Variants in ESRRG observed in about 807,000 individuals in gnomAD.
ESRRG encodes the protein estrogen-related receptor gamma.
A neutral mutation model predicts 44.0 loss-of-function variants in ESRRG; 13 were observed. The observed-to-expected ratio is 0.30, with a 90% CI of 0.19 to 0.47. ESRRG has a LOEUF of 0.47. Ranked by LOEUF, ESRRG falls within the 20% of genes least tolerant of loss-of-function variation. ESRRG has a pLI of 1.00. For synonymous variants in ESRRG, 215 were observed against 214.6 expected, an observed-to-expected ratio of 1.00 and a Z score of -0.02; for missense variants, 395 against 580.6, an observed-to-expected ratio of 0.68 and a Z score of 3.29.
chr1:217,005,060 A>G (rs754240369), intron 1 of ESRRG, among the ~76,000 whole-genome samples: 3 of 152,200 alleles, frequency 2.0e-5, no homozygotes, highest in Non-Finnish European at 4.4e-5. Context: ...AAGATAACTC[A>G]GTGTTGTCAA....
At chr1:217,095,820 A>G (rs2092415157) in intron 1 of ESRRG, among the ~76,000 whole-genome samples, 1 of 152,186 alleles carries the variant, frequency 6.6e-6, no homozygotes, top group Admixed American at 6.5e-5. Context: ...GTTTGAAGCT[A>G]CAGTGCACCT....
intron 6 of ESRRG, among the ~76,000 whole-genome samples, chr1:216,518,396 C>T (rs1247136386): frequency 6.6e-6 from 1 of 152,006 alleles, no homozygotes; most frequent in African/African-American, 2.4e-5. Flanking sequence ...TGGAGGGGCA[C>T]GGTGTGACTG....
Position 216,729,524 on chromosome 1 carries a change from T to A in ESRRG, c.-13-52033A>T, listed in dbSNP as rs2088273538. 2.0e-5 allele frequency among the ~76,000 whole-genome samples: 3 copies of A among 152,294 alleles called. No individual in the cohort carries two copies. The South Asian group carries it at 6.2e-4, about 32-fold the overall frequency. On this transcript the variant is annotated intron_variant, in intron 2 of 7. Coordinates refer to the ESRRG transcript ENST00000359162. Reference sequence around the variant, plus strand: ...AGTGAAGTGCAAGTATGTTACATTATGAATTGCTTGCCATACTGCCACATA... The same window carrying A: ...AGTGAAGTGCAAGTATGTTACATTAAGAATTGCTTGCCATACTGCCACATA...
intron 1 of ESRRG, among the ~76,000 whole-genome samples, chr1:217,030,710 C>T (rs2081949459): frequency 1.3e-5 from 2 of 152,130 alleles, no homozygotes; most frequent in Non-Finnish European, 1.5e-5. Flanking sequence ...TAAACATGTT[C>T]CAGGGTTGTG....
chr1:216,692,902 A>G (rs1559257682), intron 1 of ESRRG, among the ~76,000 whole-genome samples: 1 of 152,352 alleles, frequency 6.6e-6, no homozygotes, highest in East Asian at 1.9e-4. Context: ...AGGGGGCTAT[A>G]TGATCTAGGT....
intron 3 of ESRRG, among the ~76,000 whole-genome samples, chr1:216,586,197 C>A (rs1279614137): frequency 6.6e-6 from 1 of 151,898 alleles, no homozygotes; most frequent in African/African-American, 2.4e-5. Flanking sequence ...ACTTTTCCAC[C>A]CTCCAGTATT....
intron 1 of ESRRG, among the ~76,000 whole-genome samples, chr1:217,099,878 C>G (rs1240273002): frequency 6.6e-6 from 1 of 151,880 alleles, no homozygotes; most frequent in Non-Finnish European, 1.5e-5. Flanking sequence ...AGAAAATGAC[C>G]CAGTTGACCA....
At chr1:216,524,250 T>TTTTA (rs1553295971) in intron 5 of ESRRG, among the ~76,000 whole-genome samples, 2 of 140,760 alleles carry the variant, frequency 1.4e-5, no homozygotes, top group African/African-American at 5.3e-5. Context: ...TATATGTAAG[T>TTTTA]TATATATATA....
At chr1:216,966,111 C>A (rs1037003521) in intron 1 of ESRRG, among the ~76,000 whole-genome samples, 3 of 152,090 alleles carry the variant, frequency 2.0e-5, no homozygotes, top group African/African-American at 7.2e-5. Context: ...TTTTATTTAA[C>A]AATTTATAAG....
rs77239895 is a variant in ESRRG at position 216,661,197 on chromosome 1, T to C, written c.473-10108A>G. 6.9e-3 allele frequency among the ~76,000 whole-genome samples: 1,044 copies of C among 152,298 alleles called. 9 individuals are homozygous for C. The highest frequency in any genetic ancestry group is 0.023 in the African/African-American group (957 of 41,558). ...TATCCTACATGATGTGTACAGTCTC[T>C]TCTTCTTAGTTTTTAAGCTCTTATA... On this transcript the variant is annotated intron_variant, in intron 2 of 6. Transcript: ENST00000408911.
At chr1:216,647,796 C>T (rs2067967647) in intron 3 of ESRRG, among the ~76,000 whole-genome samples, 1 of 152,138 alleles carries the variant, frequency 6.6e-6, no homozygotes, top group African/African-American at 2.4e-5. Context: ...ACCTCATTTC[C>T]TTCAGGCAAC....
chr1:217,023,413 C>A (rs758024124), intron 1 of ESRRG, among the ~76,000 whole-genome samples: 22 of 152,196 alleles, frequency 1.4e-4, no homozygotes, highest in Admixed American at 4.6e-4. Context: ...CCTGGAGCTT[C>A]AAGTTACTCC....
At chr1:216,961,411 AT>A (rs762582833) in intron 1 of ESRRG, among the ~76,000 whole-genome samples, 8 of 152,186 alleles carry the variant, frequency 5.3e-5, no homozygotes, top group Non-Finnish European at 8.8e-5. Context: ...ATATGAAATT[AT>A]TTTTATCAAA....
chr1:216,525,282 C>T (rs1175852302), intron 5 of ESRRG, among the ~76,000 whole-genome samples: 2 of 151,438 alleles, frequency 1.3e-5, no homozygotes, highest in Non-Finnish European at 2.9e-5. Flanking sequence ...CAATGAATGC[C>T]TAATAAGAAT....
chr1:217,087,202 A>C (rs948356103), intron 1 of ESRRG, among the ~76,000 whole-genome samples: 1 of 152,200 alleles, frequency 6.6e-6, no homozygotes, highest in African/African-American at 2.4e-5. Context: ...ATGTCCCTGT[A>C]AACAAGGTTA....
At chr1:217,020,364 A>G (rs2150909484) in intron 1 of ESRRG, among the ~76,000 whole-genome samples, 1 of 152,356 alleles carries the variant, frequency 6.6e-6, no homozygotes, top group South Asian at 2.1e-4. Flanking sequence ...GCCTTGGCCT[A>G]GAGTGCTATT....
At chr1:216,679,927 G>A (rs749654118) in intron 1 of ESRRG, among the ~76,000 whole-genome samples, 3 of 152,134 alleles carry the variant, frequency 2.0e-5, no homozygotes, top group Non-Finnish European at 2.9e-5. Context: ...GGACTCTCCA[G>A]CAAGTTGTCT....
intron 2 of ESRRG, among the ~76,000 whole-genome samples, chr1:216,760,266 A>AAC (rs1553579403): frequency 6.6e-6 from 1 of 151,650 alleles, no homozygotes; most frequent in African/African-American, 2.4e-5. Flanking sequence ...CCAATAAAAA[A>AAC]ATCTCAAATT....
At chr1:216,898,813 G>A (rs578031220) in intron 2 of ESRRG, among the ~76,000 whole-genome samples, 11 of 152,264 alleles carry the variant, frequency 7.2e-5, no homozygotes, top group South Asian at 2.1e-4. Flanking sequence ...TATAGAACAC[G>A]TAAGTAAATG....
Sources: allele counts gnomAD v4.1 joint callset (sites outside exome capture counted in the v4.1 genomes callset), GRCh38; gene constraint gnomAD v4.1.1; transcripts MANE v1.5; gene names NCBI Gene and HGNC (gene_info 2026-07-23, HGNC 2026-07-21).